Variants in SHISAL1 observed in about 807,000 individuals in gnomAD.
SHISAL1 encodes the protein shisa like 1.
A neutral mutation model predicts 22.6 loss-of-function variants in SHISAL1; 9 were observed. The observed-to-expected ratio is 0.40, with a 90% CI of 0.24 to 0.70. The LOEUF (loss-of-function observed/expected upper bound fraction) is 0.70, where lower values mean the gene tolerates loss of function less well. Ranked by LOEUF, SHISAL1 falls within the 30% of genes least tolerant of loss-of-function variation. The pLI, the probability that SHISAL1 is intolerant of heterozygous loss-of-function variation, is 0.39. For synonymous variants in SHISAL1, 119 were observed against 115.4 expected (o/e 1.03, Z -0.20); for missense variants, 246 against 270.6 (o/e 0.91, Z 0.64).
intron 4 of SHISAL1, among the ~76,000 whole-genome samples, chr22:44,268,015 G>A (rs1278313139): frequency 2.0e-5 from 3 of 152,258 alleles, no homozygotes; most frequent in Non-Finnish European, 4.4e-5. Flanking sequence ...GGGGTCAACA[G>A]GGAGCTGTGT....
chr22:44,321,470 C>T, the SHISAL1 span, among the ~76,000 whole-genome samples: 3 of 148,968 alleles, frequency 2.0e-5, no homozygotes, highest in Non-Finnish European at 4.4e-5. Flanking sequence ...GATGCTCAGC[C>T]CCTTTCCTAC....
chr22:44,268,355 T>C (rs1035904898), intron 4 of SHISAL1, among the ~76,000 whole-genome samples: 1 of 152,234 alleles, frequency 6.6e-6, no homozygotes, highest in Non-Finnish European at 1.5e-5. Flanking sequence ...AAAGCGTTTT[T>C]CAAATCCCTT....
At chr22:44,330,801 C>G in the SHISAL1 span, among the ~76,000 whole-genome samples, 1 of 152,174 alleles carries the variant, frequency 6.6e-6, no homozygotes, top group African/African-American at 2.4e-5. Flanking sequence ...AGGCTGCCGC[C>G]GGGCCGGGCC....
chr22:44,266,742 G>A (rs1169117763), intron 4 of SHISAL1, among the ~76,000 whole-genome samples: 1 of 152,040 alleles, frequency 6.6e-6, no homozygotes, highest in Non-Finnish European at 1.5e-5. Flanking sequence ...GCGAGGTGGT[G>A]CACAGGGGAA....
intron 4 of SHISAL1, among the ~76,000 whole-genome samples, chr22:44,262,887 G>A (rs2055134577): frequency 6.6e-6 from 1 of 152,268 alleles, no homozygotes; most frequent in East Asian, 1.9e-4. Context: ...TCCAGAATGT[G>A]GAACATCTGT....
intron 2 of SHISAL1, among the ~76,000 whole-genome samples, chr22:44,299,949 G>T (rs967186704): frequency 6.6e-6 from 1 of 150,640 alleles, no homozygotes; most frequent in Non-Finnish European, 1.5e-5. Flanking sequence ...CAGAGAGACA[G>T]ACAGAGACAG....
At chr22:44,264,294 C>T (rs186585783) in intron 4 of SHISAL1, among the ~76,000 whole-genome samples, 2 of 152,276 alleles carry the variant, frequency 1.3e-5, no homozygotes, top group East Asian at 3.9e-4. Context: ...GCCATGCTGC[C>T]CAGGGAGGAG....
At chr22:44,256,410 C>T (rs2055085507) in intron 4 of SHISAL1, among the ~76,000 whole-genome samples, 1 of 152,198 alleles carries the variant, frequency 6.6e-6, no homozygotes, top group Non-Finnish European at 1.5e-5. Context: ...GCTGCAGGAG[C>T]CAACTCCCTA....
At chr22:44,254,567 G>T (rs2055071718) in intron 4 of SHISAL1, among the ~76,000 whole-genome samples, 1 of 152,060 alleles carries the variant, frequency 6.6e-6, no homozygotes. Flanking sequence ...TTGCTGTGTT[G>T]CCCAGGCTGA....
chr22:44,278,662 C>T (rs146083874), intron 4 of SHISAL1, among the ~76,000 whole-genome samples: 129 of 152,234 alleles, frequency 8.5e-4, no homozygotes, highest in African/African-American at 2.8e-3. Context: ...AGAGAGGGGT[C>T]AAGGAGTTGT....
Position 44,290,529 on chromosome 22 carries a change from C to CAAAAAAAAA in SHISAL1, c.282-4793_282-4785dup, listed in dbSNP as rs546640216. ...GGGCAACAAGAGGGAAACTCAGTCT[C>CAAAAAAAAA]AAAAAAAAAAAAAAACAAAAAACGG... On this transcript the variant is annotated intron_variant, in intron 3 of 4. Coordinates refer to ENST00000381176, the MANE Select transcript of SHISAL1 (RefSeq NM_001099294.2). 3.3e-3 allele frequency among the ~76,000 whole-genome samples: 276 copies of CAAAAAAAAA among 84,188 alleles called. 7 individuals carry two copies. The highest frequency in any genetic ancestry group is 9.9e-3 in the African/African-American group (210 of 21,192). 55.2% of individuals were successfully genotyped at this position (84,188 alleles called of 152,430 possible).
At chr22:44,303,553 C>CGT (rs1569225387) in intron 1 of SHISAL1, among the ~76,000 whole-genome samples, 4 of 151,810 alleles carry the variant, frequency 2.6e-5, no homozygotes, top group African/African-American at 9.7e-5. Context: ...AACAGATTCA[C>CGT]CCCTACAGCC....
chr22:44,256,342 G>A (rs1057001986), intron 4 of SHISAL1, among the ~76,000 whole-genome samples: 1 of 152,098 alleles, frequency 6.6e-6, no homozygotes, highest in Non-Finnish European at 1.5e-5. Flanking sequence ...TCACACCATT[G>A]GCTCCCCTGG....
chr22:44,276,126 A>AGGACAAAG (rs1262662159), intron 4 of SHISAL1, among the ~76,000 whole-genome samples: 1 of 152,222 alleles, frequency 6.6e-6, no homozygotes, highest in Non-Finnish European at 1.5e-5. Flanking sequence ...CAGCTGAAGG[A>AGGACAAAG]GGACAAAGGG....
At chr22:44,318,404 C>T in the SHISAL1 span, among the ~76,000 whole-genome samples, 5 of 152,238 alleles carry the variant, frequency 3.3e-5, no homozygotes, top group East Asian at 1.9e-4. Context: ...GGAAAGCAAT[C>T]GGGACTGGGA....
At chr22:44,287,783 GTC>G (rs1349881749) in intron 3 of SHISAL1, among the ~76,000 whole-genome samples, 2 of 152,168 alleles carry the variant, frequency 1.3e-5, no homozygotes, top group African/African-American at 4.8e-5. Context: ...CGGGGTAGAT[GTC>G]CATGTAGACC....
chr22:44,309,908 C>A (rs993063054), intron 1 of SHISAL1, among the ~76,000 whole-genome samples: 2 of 152,240 alleles, frequency 1.3e-5, no homozygotes, highest in African/African-American at 4.8e-5. Flanking sequence ...GAAGTGAGAT[C>A]AAAGCATGTC....
the SHISAL1 span, among the ~76,000 whole-genome samples, chr22:44,327,804 G>T: frequency 6.6e-6 from 1 of 152,306 alleles, no homozygotes; most frequent in South Asian, 2.1e-4. Context: ...GCATAACCAG[G>T]GTGGGCAGGG....
intron 4 of SHISAL1, among the ~76,000 whole-genome samples, chr22:44,284,113 G>A (rs1203013134): frequency 6.6e-6 from 1 of 152,066 alleles, no homozygotes; most frequent in Non-Finnish European, 1.5e-5. Context: ...GATGGATGGT[G>A]TCATTATTCA....
Sources: gnomAD v4.1 joint callset for allele counts (sites outside exome capture counted in the v4.1 genomes callset) on GRCh38, gnomAD v4.1.1 for gene constraint, MANE v1.5 for transcripts, NCBI Gene and HGNC (gene_info 2026-07-23, HGNC 2026-07-21) for gene names.